The following PIK3C2B variants were observed in gnomAD, a reference collection of about 807,000 sequenced individuals.
PIK3C2B encodes phosphatidylinositol-4-phosphate 3-kinase catalytic subunit type 2 beta.
Under a neutral mutation model 184.3 loss-of-function variants are expected in PIK3C2B, and 83 were observed. The ratio of observed to expected loss-of-function variants is 0.45; its 90% CI spans 0.38 to 0.54. The LOEUF (loss-of-function observed/expected upper bound fraction) is 0.54. Among genes scored for constraint, PIK3C2B ranks in the 20% least tolerant of loss-of-function variants. PIK3C2B has a pLI of 0.00. For missense variants in PIK3C2B, 1,736 were observed against 2,113.5 expected, an observed-to-expected ratio of 0.82 and a Z score of 3.50; for synonymous variants, 779 against 837.6, an observed-to-expected ratio of 0.93 and a Z score of 1.21.
At chr1:204,490,680 T>C (rs966965886) in intron 1 of PIK3C2B, among the ~76,000 whole-genome samples, 1 of 151,962 alleles carries the variant, frequency 6.6e-6, no homozygotes, top group African/African-American at 2.4e-5. Context: ...TCCCAACACT[T>C]TGGGAGGCCG....
chr1:204,424,670 G>A lies in PIK3C2B; in HGVS notation c.*182C>T. ...ACCAACCCAAGTTCAGTCTCCAGAGGAAGAGACAGCAGAGCATGTCTTACT... is the reference window on the plus strand; with the variant it reads ...ACCAACCCAAGTTCAGTCTCCAGAGAAAGAGACAGCAGAGCATGTCTTACT... On this transcript the variant is annotated 3_prime_UTR_variant, in exon 33 of 33. Transcript: ENST00000684373. 1.3e-6 allele frequency: 1 copy of A among 765,152 alleles called. No individual in the cohort carries two copies. The highest frequency in any genetic ancestry group is 2.4e-6 in the Non-Finnish European group (1 of 421,136). The allele number at this position is 765,152 out of a possible 1,614,324, so 47.4% of individuals were successfully genotyped here. A position where few individuals can be genotyped will look rare whatever the true frequency, so the allele number is the denominator to read the frequency against.
rs1235439862 is a variant in PIK3C2B, at chr1:204,447,103, G to A, written c.2489+333C>T. 1.3e-5 allele frequency among the ~76,000 whole-genome samples: 2 copies of A among 152,034 alleles called. No individual in the cohort carries two copies. The highest frequency in any genetic ancestry group is 2.9e-5 in the Non-Finnish European group (2 of 68,000). ...GCAGGAGGTGAGAGCAAGAGGTGGG[G>A]GCAGGGTGGTGGGGCCAGCTGCCCC... On this transcript the variant is annotated intron_variant, in intron 15 of 32. Transcript: ENST00000684373. The surrounding 1 kb of genome is among the most constrained non-coding windows in gnomAD (Gnocchi z 4.1).
intron 12 of PIK3C2B, among the ~76,000 whole-genome samples, chr1:204,451,684 T>C (rs1179233456): frequency 6.6e-6 from 1 of 152,246 alleles, no homozygotes; most frequent in Non-Finnish European, 1.5e-5. Flanking sequence ...ATAGCTTCAC[T>C]TGCATGATGT....
chr1:204,460,781 G>T, intron 5 of PIK3C2B, 120 bp from the exon 6 acceptor site: 1 of 679,000 alleles, frequency 1.5e-6, no homozygotes, highest in South Asian at 1.7e-5. Flanking sequence ...GGTAGTACCC[G>T]TGTTGTACCC....
chr1:204,429,695 C>T (rs1674935281), intron 29 of PIK3C2B, among the ~76,000 whole-genome samples: 1 of 148,510 alleles, frequency 6.7e-6, no homozygotes, highest in Admixed American at 6.6e-5. Flanking sequence ...CCATGTGCCT[C>T]GATGCATTCA....
chr1:204,489,831 G>A (rs17847762), intron 1 of PIK3C2B: 3 of 397,730 alleles, frequency 7.5e-6, no homozygotes, highest in Middle Eastern at 6.3e-4. Flanking sequence ...TCTTCTACCT[G>A]GCAAGGCAAA....
chr1:204,480,606 T>C (rs1419062662), intron 1 of PIK3C2B, among the ~76,000 whole-genome samples: 1 of 151,810 alleles, frequency 6.6e-6, no homozygotes, highest in Non-Finnish European at 1.5e-5. Flanking sequence ...TCCCAGGTGG[T>C]GGTGCTGTCT....
chr1:204,429,578 T>TA lies in PIK3C2B; in HGVS notation c.4398+342dup, dbSNP rs200720649. Among the ~76,000 whole-genome samples, 9 of 151,852 alleles carry TA rather than the reference T, an allele frequency of 5.9e-5. No individual in the cohort carries two copies. The East Asian group carries it at 9.7e-4, about 16-fold the overall frequency. On this transcript the variant is annotated intron_variant, in intron 29 of 32. Transcript: ENST00000684373. ...TAGGGCCATTATACTACTATTTGTT[T>TA]AAAAAAAAATCTAGGTTGATAATAC... is the stretch of plus-strand genomic sequence containing the variant.
intron 1 of PIK3C2B, among the ~76,000 whole-genome samples, chr1:204,470,735 T>C (rs1054829395): frequency 2.6e-5 from 4 of 152,264 alleles, no homozygotes; most frequent in Non-Finnish European, 5.9e-5. Flanking sequence ...TATCCCAAAA[T>C]GTCCATCAAC....
chr1:204,438,722 C>A (rs1230838280), intron 23 of PIK3C2B, among the ~76,000 whole-genome samples: 1 of 152,164 alleles, frequency 6.6e-6, no homozygotes, highest in Non-Finnish European at 1.5e-5. Flanking sequence ...CTCAGTCCAG[C>A]ATCAGGGGAT....
chr1:204,484,531 G>A (rs923604207), intron 1 of PIK3C2B, among the ~76,000 whole-genome samples: 3 of 152,088 alleles, frequency 2.0e-5, no homozygotes, highest in Admixed American at 6.6e-5. Flanking sequence ...TCATGAGATC[G>A]AGACCATCCT....
chr1:204,427,782 G>T (rs1217099214), intron 30 of PIK3C2B, 28 bp from the exon 31 acceptor site: 1 of 1,504,690 alleles, frequency 6.6e-7, no homozygotes, highest in Non-Finnish European at 9.3e-7. Context: ...ACCATGAAGG[G>T]TCAAGAGGCC....
In PIK3C2B at chr1:204,454,717, C is replaced by T. The variant is rs372110076; in HGVS notation, c.2018G>A (p.Arg673Lys). The T allele has an allele frequency of 4.3e-6, 7 of 1,613,574 alleles. No individual in the cohort carries two copies. Among genetic ancestry groups the T allele is most frequent in the Non-Finnish European group, 5.1e-6 (6 of 1,179,996 alleles). Residue 673 changes from arginine to lysine, a missense_variant, in exon 12 of 33, where the codon AGA becomes AAA. Physicochemically the swap from Arg to Lys is conservative, Grantham distance 26. Transcript: ENST00000684373. ...GAAGAGGTACTTGGAGAAGTGAGCT[C>T]TTCGGGTCTGCAGGGGGCTGCACAG... ...KELCSPLQTR[R>K]AHFSKYLFHL... is the part of the protein sequence containing the mutation.
chr1:204,457,167 A>G (rs1008833), intron 9 of PIK3C2B, 97 bp from the exon 10 acceptor site: 154,268 of 1,014,744 alleles, frequency 0.15, 14,287 homozygotes, highest in East Asian at 0.39. Context: ...CATCTGGACC[A>G]GAATGGGCTG....
chr1:204,479,102 T>C (rs990185786), intron 1 of PIK3C2B, among the ~76,000 whole-genome samples: 6 of 152,170 alleles, frequency 3.9e-5, no homozygotes, highest in Non-Finnish European at 8.8e-5. Context: ...CAATTTTGAT[T>C]GCAGGGTCAG....
intron 3 of PIK3C2B, 28 bp downstream of exon 3, chr1:204,465,184 CCCTCCCA>C: frequency 3.5e-6 from 3 of 851,450 alleles, no homozygotes; most frequent in Non-Finnish European, 5.9e-6. Flanking sequence ...TCCCCCATAG[CCCTCCCA>C]AATCCCACCC....
At position 204,463,866 on chromosome 1, in the gene PIK3C2B, G is replaced by C; in HGVS notation, c.1310+146C>G. 3 of 802,628 alleles carry C rather than the reference G, an allele frequency of 3.7e-6. No homozygotes were observed. The South Asian group carries it at 5.2e-5, about 14-fold the overall frequency. The allele number at this position is 802,628 out of a possible 1,614,324, so 49.7% of individuals were successfully genotyped here. A position where few individuals can be genotyped will look rare whatever the true frequency, so the allele number is the denominator to read the frequency against. Reference sequence around the variant, plus strand: ...ACAGAGCTCCTGGGGAAAGTGCTACGTGGCCGAGAGTGTGCCCAGAAAGCA... The same window carrying C: ...ACAGAGCTCCTGGGGAAAGTGCTACCTGGCCGAGAGTGTGCCCAGAAAGCA... On this transcript the variant is annotated intron_variant, in intron 5 of 32. Transcript: ENST00000684373.
At chr1:204,426,578 T>C (rs1021711423) in intron 31 of PIK3C2B, among the ~76,000 whole-genome samples, 2 of 152,236 alleles carry the variant, frequency 1.3e-5, no homozygotes, top group Admixed American at 6.5e-5. Flanking sequence ...TTTCTTGCCA[T>C]AGCTCTTACT....
intron 1 of PIK3C2B, among the ~76,000 whole-genome samples, chr1:204,482,427 C>A (rs954852105): frequency 6.6e-6 from 1 of 152,192 alleles, no homozygotes; most frequent in African/African-American, 2.4e-5. Context: ...CTGAACCCAG[C>A]CGGAAGACCA....
Sources: allele counts gnomAD v4.1 joint callset (sites outside exome capture counted in the v4.1 genomes callset), GRCh38; gene constraint gnomAD v4.1.1; non-coding constraint Gnocchi (gnomAD v3.1); transcripts MANE v1.5; gene names NCBI Gene and HGNC (gene_info 2026-07-23, HGNC 2026-07-21).